The following KIFAP3 variants were observed in gnomAD, a reference collection of about 807,000 sequenced individuals.
KIFAP3 encodes the protein kinesin-associated protein 3.
KIFAP3 carries 68 observed loss-of-function variants against 106.5 expected under a neutral mutation model. The ratio of observed to expected loss-of-function variants is 0.64; its 90% CI spans 0.53 to 0.78. KIFAP3 has a LOEUF of 0.78. KIFAP3 is among the 30% of genes least tolerant of loss of function. KIFAP3 has a pLI of 0.00. For synonymous variants in KIFAP3, 320 were observed against 311.5 expected (o/e 1.03, Z -0.29); for missense variants, 780 against 941.8 (o/e 0.83, Z 2.25).
chr1:169,943,577 A>G (rs1289996181), intron 19 of KIFAP3, among the ~76,000 whole-genome samples: 1 of 152,122 alleles, frequency 6.6e-6, no homozygotes, highest in Non-Finnish European at 1.5e-5. Flanking sequence ...TATTCTCATT[A>G]TAATATGAAG....
At chr1:170,024,781 TTG>T (rs146826585) in intron 8 of KIFAP3, 185 bp from the exon 9 acceptor site, 539 of 396,670 alleles carry the variant, frequency 1.4e-3, no homozygotes, top group South Asian at 1.5e-3. Context: ...GGATATGTGT[TTG>T]TGTGTGTGTG....
At chr1:169,947,793 A>G (rs1280899659) in intron 19 of KIFAP3, among the ~76,000 whole-genome samples, 1 of 151,824 alleles carries the variant, frequency 6.6e-6, no homozygotes, top group Admixed American at 6.6e-5. Flanking sequence ...TTTTTATAAA[A>G]AACATTTTTA....
chr1:170,028,128 A>T (rs1163393165), intron 8 of KIFAP3, among the ~76,000 whole-genome samples: 2 of 152,164 alleles, frequency 1.3e-5, no homozygotes. Context: ...AACCACTGGT[A>T]AATATGTCCT....
At position 170,026,670 on chromosome 1, in the gene KIFAP3, G is replaced by GT. The variant is rs200254904; in HGVS notation, c.842-2075dup. ...AGGTCTCCCTCAAATACTGAGTTGA[G>GT]TATTGATTGGAGCATAGGAATTTAA... On this transcript the variant is annotated intron_variant, in intron 8 of 19. Coordinates refer to ENST00000361580, the MANE Select transcript of KIFAP3 (RefSeq NM_014970.4). Among the ~76,000 whole-genome samples the GT allele has an allele frequency of 8.3e-3, 1,270 of 152,294 alleles. 22 individuals carry two copies. Among genetic ancestry groups the GT allele is most frequent in the African/African-American group, 0.028 (1,154 of 41,558 alleles).
intron 15 of KIFAP3, 88 bp downstream of exon 15, chr1:169,981,884 C>G: frequency 1.8e-6 from 2 of 1,087,304 alleles, no homozygotes; most frequent in Non-Finnish European, 2.6e-6. Context: ...ATGAGAAAAA[C>G]AGATTACAGA....
intron 11 of KIFAP3, 125 bp downstream of exon 11, chr1:169,992,030 A>T (rs988689997): frequency 2.4e-6 from 1 of 423,130 alleles, no homozygotes; most frequent in Non-Finnish European, 4.2e-6. Context: ...AATTTTCTAT[A>T]ATAAATTTGT....
At chr1:170,023,417 C>T (rs1668954768) in intron 9 of KIFAP3, among the ~76,000 whole-genome samples, 1 of 151,974 alleles carries the variant, frequency 6.6e-6, no homozygotes, top group Non-Finnish European at 1.5e-5. Flanking sequence ...AAGGAGAAGC[C>T]ACTTTTGCCA....
intron 1 of KIFAP3, among the ~76,000 whole-genome samples, chr1:170,063,186 T>C (rs1671272998): frequency 6.6e-6 from 1 of 152,188 alleles, no homozygotes; most frequent in Non-Finnish European, 1.5e-5. Flanking sequence ...CTAGTTTGCC[T>C]TTCTATAATA....
At chr1:169,928,009 G>A (rs1368782015) in intron 19 of KIFAP3, among the ~76,000 whole-genome samples, 3 of 152,146 alleles carry the variant, frequency 2.0e-5, no homozygotes, top group African/African-American at 7.2e-5. Flanking sequence ...TATTACAGCT[G>A]TCCAAATGTG....
At chr1:169,998,686 T>C (rs1032237073) in intron 10 of KIFAP3, among the ~76,000 whole-genome samples, 3 of 152,170 alleles carry the variant, frequency 2.0e-5, no homozygotes, top group Non-Finnish European at 4.4e-5. Flanking sequence ...ACGTAAATAT[T>C]TTATAAACGG....
At chr1:169,979,306 G>C (rs1467974536) in intron 15 of KIFAP3, among the ~76,000 whole-genome samples, 1 of 151,912 alleles carries the variant, frequency 6.6e-6, no homozygotes, top group East Asian at 1.9e-4. Context: ...AATTATTTCT[G>C]ATCTGAAAAC....
chr1:169,989,550 A>T (rs995381461), intron 11 of KIFAP3, among the ~76,000 whole-genome samples: 1 of 152,008 alleles, frequency 6.6e-6, no homozygotes, highest in Non-Finnish European at 1.5e-5. Flanking sequence ...CTGTAATCTC[A>T]CTTTGACTTG....
rs1000755050 is a variant in KIFAP3 at position 169,983,565 on chromosome 1, C to T, written c.1394-183G>A. Among the ~76,000 whole-genome samples the T allele has an allele frequency of 2.0e-5, 3 of 151,842 alleles. No homozygotes were observed. The East Asian group carries it at 5.8e-4, about 29-fold the overall frequency. ...AACATACAGAGTATTTTCATTCCCT[C>T]CAGAAAGTTCACTTGTGCCCCTTCC... On this transcript the variant is annotated intron_variant, in intron 12 of 19. Coordinates refer to ENST00000361580, the MANE Select transcript of KIFAP3 (RefSeq NM_014970.4).
chr1:170,079,811 A>G (rs1365592548), intron 1 of KIFAP3, among the ~76,000 whole-genome samples: 1 of 151,814 alleles, frequency 6.6e-6, no homozygotes, highest in Non-Finnish European at 1.5e-5. Flanking sequence ...AAAGAATGTC[A>G]ATGTATTTTG....
intron 1 of KIFAP3, among the ~76,000 whole-genome samples, chr1:170,079,938 G>T (rs1426331847): frequency 6.6e-6 from 1 of 151,376 alleles, no homozygotes; most frequent in Non-Finnish European, 1.5e-5. Context: ...AATAATTTTG[G>T]TAGAATTATC....
intron 10 of KIFAP3, among the ~76,000 whole-genome samples, chr1:170,007,765 C>T (rs575757299): frequency 6.6e-6 from 1 of 152,186 alleles, no homozygotes. Flanking sequence ...TAGAAAAAAA[C>T]TACATTAAAT....
In KIFAP3 at chr1:170,038,373, T is replaced by C. The variant is rs781309618; in HGVS notation, c.434A>G (p.Asp145Gly). Residue 145 changes from aspartate (D) to glycine (G), a missense_variant, in exon 5 of 20, where the codon GAT becomes GGT. Coordinates refer to ENST00000361580, the MANE Select transcript of KIFAP3 (RefSeq NM_014970.4). ...AGAACCCCGAACTTTGTCAGGAATA[T>C]CTTCATATAATAACTCAATATATTC... is the stretch of plus-strand genomic sequence containing the variant. Reference protein sequence around the residue: ...MDEYIELLYEDIPDKVRGSAL... With the variant: ...MDEYIELLYEGIPDKVRGSAL... 13 of 1,608,116 alleles carry C rather than the reference T, an allele frequency of 8.1e-6. No homozygotes were observed. In the South Asian group the frequency reaches 1.0e-4, roughly 12 times the overall value.
At chr1:169,955,919 A>G (rs1030989429) in intron 18 of KIFAP3, among the ~76,000 whole-genome samples, 1 of 152,184 alleles carries the variant, frequency 6.6e-6, no homozygotes, top group African/African-American at 2.4e-5. Flanking sequence ...AAGACACCAC[A>G]GACTGACAGT....
At chr1:170,072,203 C>T (rs934838834) in intron 1 of KIFAP3, among the ~76,000 whole-genome samples, 1 of 152,130 alleles carries the variant, frequency 6.6e-6, no homozygotes, top group Non-Finnish European at 1.5e-5. Flanking sequence ...GCGCTTAAGT[C>T]CCATATGATT....
Sources: allele counts gnomAD v4.1 joint callset (sites outside exome capture counted in the v4.1 genomes callset), GRCh38; gene constraint gnomAD v4.1.1; transcripts MANE v1.5; gene names NCBI Gene and HGNC (gene_info 2026-07-23, HGNC 2026-07-21).